The following CFAP52 variants were observed in gnomAD, a reference collection of about 807,000 sequenced individuals.
CFAP52 encodes cilia- and flagella-associated protein 52.
A neutral mutation model predicts 70.5 loss-of-function variants in CFAP52; 57 were observed. The observed-to-expected ratio is 0.81, with a 90% confidence interval of 0.65 to 1.01. CFAP52 has a LOEUF of 1.01. Among genes scored for constraint, CFAP52 ranks in the 50% least tolerant of loss-of-function variants. The pLI, the probability that CFAP52 is intolerant of heterozygous loss-of-function variation, is 0.00. For missense variants in CFAP52, 785 were observed against 788.5 expected (o/e 1.00, Z 0.05); for synonymous variants, 267 against 292.5 (o/e 0.91, Z 0.89).
intron 12 of CFAP52, 160 bp downstream of exon 12, chr17:9,638,871 A>C (rs1212902494): frequency 1.5e-6 from 1 of 645,730 alleles, no homozygotes; most frequent in East Asian, 2.7e-5. Flanking sequence ...ATCACCTTCC[A>C]GTGTCTTCAC....
chr17:9,626,646 T>C (rs1230370692), intron 8 of CFAP52, among the ~76,000 whole-genome samples: 1 of 152,222 alleles, frequency 6.6e-6, no homozygotes, highest in Non-Finnish European at 1.5e-5. Context: ...CCAAAGGCAT[T>C]ATCTAATATA....
intron 6 of CFAP52, among the ~76,000 whole-genome samples, chr17:9,603,704 T>C (rs1860848681): frequency 6.6e-6 from 1 of 152,216 alleles, no homozygotes; most frequent in African/African-American, 2.4e-5. Flanking sequence ...TATTGATACC[T>C]AATGTAGATG....
At chr17:9,627,510 A>G (rs189374466) in intron 8 of CFAP52, among the ~76,000 whole-genome samples, 3 of 152,256 alleles carry the variant, frequency 2.0e-5, no homozygotes. Context: ...TCTCAAAAAT[A>G]AATAAATAAA....
At chr17:9,613,007 G>A (rs1909772011) in intron 8 of CFAP52, among the ~76,000 whole-genome samples, 1 of 152,152 alleles carries the variant, frequency 6.6e-6, no homozygotes, top group East Asian at 1.9e-4. Context: ...TATGTTTAAG[G>A]TAGGCTGGGC....
chr17:9,587,419 T>C (rs1039649608), intron 3 of CFAP52, among the ~76,000 whole-genome samples: 3 of 152,164 alleles, frequency 2.0e-5, no homozygotes, highest in Non-Finnish European at 4.4e-5. Context: ...GACAGTTCTG[T>C]TTTTAGCTGT....
At chr17:9,637,336 A>T (rs1046624829) in intron 11 of CFAP52, among the ~76,000 whole-genome samples, 1 of 152,194 alleles carries the variant, frequency 6.6e-6, no homozygotes, top group Non-Finnish European at 1.5e-5. Context: ...GACTGCCTCA[A>T]ATCCTTAAAG....
intron 12 of CFAP52, among the ~76,000 whole-genome samples, chr17:9,641,508 C>T (rs546109847): frequency 6.6e-6 from 1 of 152,216 alleles, no homozygotes. Context: ...AGCACATCAA[C>T]ATGTCTTTAA....
chr17:9,643,374 A>G lies in CFAP52; in HGVS notation c.*176A>G, dbSNP rs898054446. 1.0e-5 allele frequency: 5 copies of G among 482,990 alleles called. No homozygotes were observed. The highest frequency in any genetic ancestry group is 2.0e-5 in the African/African-American group (1 of 50,068). 29.9% of individuals were successfully genotyped at this position (482,990 alleles called of 1,614,324 possible). A position where few individuals can be genotyped will look rare whatever the true frequency, so the allele number is the denominator to read the frequency against. On this transcript the variant is annotated 3_prime_UTR_variant, in exon 14 of 14. Coordinates refer to ENST00000352665, the MANE Select transcript of CFAP52 (RefSeq NM_145054.5). ...TTCTTAAATTGCATATTAAAATTGA[A>G]GTATGTTCAAGAATAATTTGTGCAG...
intron 9 of CFAP52, among the ~76,000 whole-genome samples, chr17:9,629,947 C>G (rs1487803567): frequency 1.3e-5 from 2 of 151,906 alleles, no homozygotes; most frequent in Non-Finnish European, 2.9e-5. Flanking sequence ...CTACCCCACC[C>G]TGCGCATGTC....
intron 8 of CFAP52, among the ~76,000 whole-genome samples, chr17:9,625,745 G>C (rs902620841): frequency 6.6e-6 from 1 of 152,166 alleles, no homozygotes; most frequent in Admixed American, 6.6e-5. Flanking sequence ...TCTACTTTTA[G>C]AGGTTTTTGG....
At chr17:9,610,917 T>C (rs903610545) in intron 7 of CFAP52, among the ~76,000 whole-genome samples, 1 of 152,214 alleles carries the variant, frequency 6.6e-6, no homozygotes, top group African/African-American at 2.4e-5. Context: ...TTCTTTGTTG[T>C]CATCTGTGGG....
intron 3 of CFAP52, among the ~76,000 whole-genome samples, chr17:9,591,995 C>T (rs1205425626): frequency 1.1e-4 from 16 of 152,162 alleles, no homozygotes. Flanking sequence ...TTATATCCCC[C>T]TCACCTTGAA....
At chr17:9,584,668 C>T (rs1266879880) in intron 1 of CFAP52, among the ~76,000 whole-genome samples, 3 of 152,046 alleles carry the variant, frequency 2.0e-5, no homozygotes, top group Admixed American at 6.6e-5. Flanking sequence ...GTCAACCAGG[C>T]TGGAGTGCAA....
chr17:9,622,506 A>G (rs556371694), intron 8 of CFAP52, among the ~76,000 whole-genome samples: 1 of 152,010 alleles, frequency 6.6e-6, no homozygotes, highest in Non-Finnish European at 1.5e-5. Context: ...ACACCAGTGC[A>G]TGCCAGCCTG....
intron 7 of CFAP52, chr17:9,610,319 T>G (rs1460748565): frequency 1.3e-5 from 2 of 152,220 alleles, no homozygotes; most frequent in African/African-American, 2.4e-5. Context: ...ATGATGAAGA[T>G]AAACTCAAAG....
chr17:9,586,014 G>A (rs915264790), intron 2 of CFAP52, 42 bp downstream of exon 2: 2 of 1,595,050 alleles, frequency 1.3e-6, no homozygotes, highest in East Asian at 2.2e-5. Flanking sequence ...TTATCTAGAG[G>A]TGCCTCCCTA....
At chr17:9,637,773 C>T (rs1482831598) in intron 11 of CFAP52, among the ~76,000 whole-genome samples, 1 of 152,220 alleles carries the variant, frequency 6.6e-6, no homozygotes, top group Non-Finnish European at 1.5e-5. Context: ...CGGGGTTTCA[C>T]CATGTTGGCC....
intron 3 of CFAP52, among the ~76,000 whole-genome samples, chr17:9,592,534 C>A (rs764064459): frequency 1.3e-5 from 2 of 151,652 alleles, no homozygotes; most frequent in Non-Finnish European, 2.9e-5. Context: ...CCCTCCTCCT[C>A]CAAGCCCCAG....
intron 13 of CFAP52, among the ~76,000 whole-genome samples, 192 bp downstream of exon 13, chr17:9,642,027 G>A (rs2151954963): frequency 6.6e-6 from 1 of 152,266 alleles, no homozygotes; most frequent in Middle Eastern, 3.4e-3. Context: ...TTCAATGAGA[G>A]GAAACATTTG....
Sources: gnomAD v4.1 joint callset for allele counts (sites outside exome capture counted in the v4.1 genomes callset) on GRCh38, gnomAD v4.1.1 for gene constraint, MANE v1.5 for transcripts, NCBI Gene and HGNC (gene_info 2026-07-23, HGNC 2026-07-21) for gene names.